Variants in TCHH observed in about 807,000 individuals in gnomAD.
The protein encoded by TCHH is trichohyalin.
Under a neutral mutation model 6.3 loss-of-function variants are expected in TCHH, and 6 were observed. The ratio of observed to expected loss-of-function variants is 0.95; its 90% CI spans 0.52 to 1.88. The LOEUF is 1.88. TCHH is among the 40% of genes most tolerant of loss of function. TCHH has a pLI of 0.01. For synonymous variants in TCHH, 1,087 were observed against 963.6 expected (o/e 1.13, Z -2.37); for missense variants, 2,920 against 2,449.1 (o/e 1.19, Z -4.06).
rs1458890183 is a variant in TCHH, at chr1:152,111,784, C to G, written c.1433G>C (p.Arg478Pro). 1.9e-6 allele frequency: 3 copies of G among 1,579,374 alleles called. No homozygotes were observed. The highest frequency in any genetic ancestry group is 1.7e-6 in the Non-Finnish European group (2 of 1,163,888). ...TTCGCGCCTCTCCTCCTCCTGGTCGCGCTTCAGCTGCTGCTTGCGCCTCTC... is the reference window on the plus strand; with the variant it reads ...TTCGCGCCTCTCCTCCTCCTGGTCGGGCTTCAGCTGCTGCTTGCGCCTCTC... ...EQERRKQQLK[R>P]DQEEERRERW... is the part of the protein sequence containing the mutation. Residue 478 changes from arginine (R) to proline (P), a missense_variant, in exon 3 of 3, where the codon CGC becomes CCC. Arg to Pro is a moderately radical substitution (Grantham distance 103). Coordinates refer to ENST00000614923, the MANE Select transcript of TCHH (RefSeq NM_007113.4).
chr1:152,110,947 T>C lies in TCHH; in HGVS notation c.2270A>G (p.Gln757Arg), dbSNP rs1479634394. Residue 757 changes from glutamine to arginine, a missense_variant, in exon 3 of 3, where the codon CAG becomes CGG. Gln to Arg is a conservative substitution (Grantham distance 43). Transcript: ENST00000614923. Reference protein sequence around the residue: ...QWQEEERAHRQQQEEEQRRDF... With the variant: ...QWQEEERAHRRQQEEEQRRDF... ...CCGGCGCTGCTCCTCTTCCTGCTGC[T>C]GCCGGTGAGCCCGTTCCTCCTCCTG... 1 of 1,613,348 alleles carries C rather than the reference T, an allele frequency of 6.2e-7. No individual in the cohort carries two copies. Among genetic ancestry groups the C allele is most frequent in the Admixed American group, 1.7e-5 (1 of 60,022 alleles).
rs1177207024 is a variant in TCHH, at chr1:152,110,748, C to T, written c.2469G>A (p.Gln823=). 6.2e-7 allele frequency: 1 copy of T among 1,608,716 alleles called. No individual in the cohort carries two copies. Among genetic ancestry groups the T allele is most frequent in the African/African-American group, 1.3e-5 (1 of 74,916 alleles). ...EEEEKEQRRR[Q]RREREKELQF... is the part of the protein sequence containing the mutation. ...GCAGCTCTTTCTCCCTCTCGCGTCG[C>T]TGGCGGCGCCGCTGCTCCTTCTCCT... Residue 823 remains glutamine (Q), a synonymous_variant, in exon 3 of 3, where the codon CAG becomes CAA. Transcript: ENST00000614923.
In TCHH at chr1:152,110,027, G is replaced by A. The variant is rs1366817297; in HGVS notation, c.3190C>T (p.Leu1064=). Residue 1064 remains leucine, a synonymous_variant, in exon 3 of 3, where the codon CTG becomes TTG. Transcript: ENST00000614923. ...EELQQEEEQL[L]GEERETRRRQ... is the part of the protein sequence containing the mutation. Reference sequence around the variant, plus strand: ...CTTCTCGTCTCCCGTTCCTCTCCCAGCAGCTGCTCTTCCTCCTGCTGCAGC... The same window carrying A: ...CTTCTCGTCTCCCGTTCCTCTCCCAACAGCTGCTCTTCCTCCTGCTGCAGC... The A allele has an allele frequency of 1.1e-5, 17 of 1,605,818 alleles. No homozygotes were observed. The East Asian group carries it at 3.8e-4, about 36-fold the overall frequency.
In TCHH at chr1:152,111,793, T is replaced by G; in HGVS notation, c.1424A>C (p.Gln475Pro). The change falls in exon 3 of 3, where the codon CAG becomes CCG. Residue 475 changes from glutamine to proline, a missense_variant. By Grantham distance (76) the Gln-to-Pro change is moderately conservative. Coordinates refer to ENST00000614923, the MANE Select transcript of TCHH (RefSeq NM_007113.4). ...ERHEQERRKQ[Q>P]LKRDQEEERR... ...CTCCTCCTCCTGGTCGCGCTTCAGCTGCTGCTTGCGCCTCTCCTGCTCGTG... is the reference window on the plus strand; with the variant it reads ...CTCCTCCTCCTGGTCGCGCTTCAGCGGCTGCTTGCGCCTCTCCTGCTCGTG... 6.3e-7 allele frequency: 1 copy of G among 1,596,694 alleles called. No individual in the cohort carries two copies. Among genetic ancestry groups the G allele is most frequent in the Non-Finnish European group, 8.5e-7 (1 of 1,175,012 alleles).
chr1:152,111,142 T>C lies in TCHH; in HGVS notation c.2075A>G (p.Gln692Arg), dbSNP rs773503286. 1 of 1,613,856 alleles carries C rather than the reference T, an allele frequency of 6.2e-7. No homozygotes were observed. Among genetic ancestry groups the C allele is most frequent in the South Asian group, 1.1e-5 (1 of 91,088 alleles). Residue 692 changes from glutamine to arginine, a missense_variant, in exon 3 of 3, where the codon CAG (glutamine) becomes CGG (arginine). Coordinates refer to ENST00000614923, the MANE Select transcript of TCHH (RefSeq NM_007113.4). ...GCGGCTCTTAATCCGCTCCCGGGCC[T>C]GTTCCTGCTCCTCCTCAGCTAGCTC... ...EQELAEEEQE[Q>R]ARERIKSRIP...
In TCHH at chr1:152,107,590, C is replaced by A. The variant is rs140720320; in HGVS notation, c.5627G>T (p.Arg1876Leu). 1 of 1,613,940 alleles carries A rather than the reference C, an allele frequency of 6.2e-7. No homozygotes were observed. The highest frequency in any genetic ancestry group is 8.5e-7 in the Non-Finnish European group (1 of 1,180,006). The change falls in exon 3 of 3, where the codon CGG becomes CTG. Residue 1876 changes from arginine (R) to leucine (L), a missense_variant. Transcript: ENST00000614923. ...QEEEQKRRQE[R>L]ERKLREEHIR... ...GTGTTCTTCCCGTAATTTCCTTTCCCGTTCCTGGCGACGTTTCTGCTCCTC... is the reference window on the plus strand; with the variant it reads ...GTGTTCTTCCCGTAATTTCCTTTCCAGTTCCTGGCGACGTTTCTGCTCCTC...
rs773914723 is a variant in TCHH, at chr1:152,110,480, G to A, written c.2737C>T (p.Leu913=). The part of the protein sequence containing the change: ...QQLLQEEEEE[L]QREEREKRRR... ...CTCTTCTCGCGCTCCTCTCTCTGTA[G>A]CTCCTCCTCCTCCTCCTGCAGCAGC... The change falls in exon 3 of 3, where the codon CTA becomes TTA. Residue 913 remains leucine, a synonymous_variant. Transcript: ENST00000614923. The A allele has an allele frequency of 3.1e-6, 5 of 1,613,814 alleles. No homozygotes were observed. The South Asian group carries it at 5.5e-5, about 18-fold the overall frequency.
At position 152,112,885 on chromosome 1, in the gene TCHH, T is replaced by A. The variant is rs1470021393; in HGVS notation, c.332A>T (p.Gln111Leu). The change falls in exon 3 of 3, where the codon CAA (glutamine) becomes CTA (leucine). Residue 111 changes from glutamine (Q) to leucine (L), a missense_variant. Physicochemically the swap from Gln to Leu is moderately radical, Grantham distance 113. Coordinates refer to ENST00000614923, the MANE Select transcript of TCHH (RefSeq NM_007113.4). ...TTGGTCTTCTTCTTGCCTGCGATCT[T>A]GTAACAGGCTCTCCTTTCCGTCACA... Reference protein sequence around the residue: ...ARCDGKESLLQDRRQEEDQRR... With the variant: ...ARCDGKESLLLDRRQEEDQRR... The A allele has an allele frequency of 1.2e-6, 2 of 1,613,830 alleles. No individual in the cohort carries two copies. Among genetic ancestry groups the A allele is most frequent in the Admixed American group, 3.3e-5 (2 of 59,958 alleles).
intron 1 of TCHH, among the ~76,000 whole-genome samples, chr1:152,114,883 A>G (rs533649464): frequency 1.3e-4 from 20 of 152,346 alleles, no homozygotes; most frequent in African/African-American, 4.6e-4. Context: ...GTTAAACCCA[A>G]ATGCATCATT....
chr1:152,110,381 C>A lies in TCHH; in HGVS notation c.2836G>T (p.Glu946Ter). ...LQQEEEQLLR[E>*]EREKRRRQER... ...TGGCGTCTTCTTTTCTCCCGTTCCTCTCTCAGCAGCTGCTCTTCCTCCTGC... is the reference window on the plus strand; with the variant it reads ...TGGCGTCTTCTTTTCTCCCGTTCCTATCTCAGCAGCTGCTCTTCCTCCTGC... The change falls in exon 3 of 3, where the codon GAG becomes TAG. Residue 946 changes from glutamate (E) to a stop codon, truncating the protein, a stop_gained. Coordinates refer to ENST00000614923, the MANE Select transcript of TCHH (RefSeq NM_007113.4). LOFTEE classifies it low-confidence loss of function (END_TRUNC). 6 of 1,613,542 alleles carry A rather than the reference C, an allele frequency of 3.7e-6. No homozygotes were observed. Among genetic ancestry groups the A allele is most frequent in the Middle Eastern group, 1.7e-4 (1 of 6,056 alleles).
rs766369089 is a variant in TCHH, at chr1:152,111,543, G to A, written c.1674C>T (p.Leu558=). The change falls in exon 3 of 3, where the codon CTC becomes CTT. Residue 558 remains leucine (L), a synonymous_variant. Coordinates refer to ENST00000614923, the MANE Select transcript of TCHH (RefSeq NM_007113.4). ...GCCGCTGCTCTCGCCTCTCCTGCTC[G>A]AGCCTCTTCTCCTCCTCGCGCTTCA... The part of the protein sequence containing the change: ...QLLKREEEKR[L]EQERREQRLK... The A allele has an allele frequency of 9.7e-6, 15 of 1,546,170 alleles. No individual in the cohort carries two copies. The highest frequency in any genetic ancestry group is 5.5e-5 in the Admixed American group (3 of 54,636).
chr1:152,110,637 C>T lies in TCHH; in HGVS notation c.2580G>A (p.Gln860=). ...GCTGCTCCTGGCTTCGCCTCCTCTC[C>T]TGATCCTCCTGGAGGCCGTCCTCCT... ...QEEEDGLQED[Q]ERRRSQEQRR... is the part of the protein sequence containing the mutation. The change falls in exon 3 of 3, where the codon CAG becomes CAA. Residue 860 remains glutamine, a synonymous_variant. Coordinates refer to ENST00000614923, the MANE Select transcript of TCHH (RefSeq NM_007113.4). 1 of 1,613,784 alleles carries T rather than the reference C, an allele frequency of 6.2e-7. No homozygotes were observed. Among genetic ancestry groups the T allele is most frequent in the Non-Finnish European group, 8.5e-7 (1 of 1,179,950 alleles).
At position 152,112,565 on chromosome 1, in the gene TCHH, G is replaced by T; in HGVS notation, c.652C>A (p.Leu218Met). Residue 218 changes from leucine (L) to methionine (M), a missense_variant, in exon 3 of 3, where the codon CTG (leucine) becomes ATG (methionine). Coordinates refer to ENST00000614923, the MANE Select transcript of TCHH (RefSeq NM_007113.4). ...TTCTCCTCGCGGCCCTTCCTCCTCAGCTCCAGCAGCTCCCGCCTTCGCAGT... is the reference window on the plus strand; with the variant it reads ...TTCTCCTCGCGGCCCTTCCTCCTCATCTCCAGCAGCTCCCGCCTTCGCAGT... ...EQLRRRELLELRRKGREEKQQ... is the reference protein window; with the variant it reads ...EQLRRRELLEMRRKGREEKQQ... 6.2e-7 allele frequency: 1 copy of T among 1,613,304 alleles called. No homozygotes were observed.
rs183540170 is a variant in TCHH at position 152,109,349 on chromosome 1, C to G, written c.3868G>C (p.Asp1290His). The change falls in exon 3 of 3, where the codon GAC becomes CAC. Residue 1290 changes from aspartate to histidine, a missense_variant. By Grantham distance (81) the Asp-to-His change is moderately conservative (BLOSUM62 -1). Transcript: ENST00000614923. Reference protein sequence around the residue: ...EQERRRWQQRDRHFPEEEQLE... With the variant: ...EQERRRWQQRHRHFPEEEQLE... ...TGTTCTTCCTCTGGGAAATGCCTGT[C>G]GCGCTGCTGCCAGCGCCTCCTCTCT... is the stretch of plus-strand genomic sequence containing the variant. The G allele has an allele frequency of 5.5e-4, 895 of 1,614,242 alleles. No homozygotes were observed. The highest frequency in any genetic ancestry group is 7.1e-4 in the Non-Finnish European group (835 of 1,180,046).
Position 152,112,920 on chromosome 1 carries a change from C to T in TCHH, c.297G>A (p.Lys99=), listed in dbSNP as rs1463249398. Residue 99 remains lysine, a synonymous_variant, in exon 3 of 3, where the codon AAG becomes AAA. Coordinates refer to ENST00000614923, the MANE Select transcript of TCHH (RefSeq NM_007113.4). ...LGQATGLDEE[K]RARCDGKESL... ...TCTCCTTTCCGTCACACCGGGCTCG[C>T]TTCTCCTCATCCAGTCCCGTGGCCT... 1 of 1,613,770 alleles carries T rather than the reference C, an allele frequency of 6.2e-7. No homozygotes were observed. Among genetic ancestry groups the T allele is most frequent in the African/African-American group, 1.3e-5 (1 of 74,824 alleles).
In TCHH at chr1:152,109,035, C is replaced by T; in HGVS notation, c.4182G>A (p.Lys1394=). The T allele has an allele frequency of 6.2e-7, 1 of 1,613,624 alleles. No individual in the cohort carries two copies. The highest frequency in any genetic ancestry group is 1.7e-5 in the Admixed American group (1 of 60,002). The change falls in exon 3 of 3, where the codon AAG becomes AAA. Residue 1394 remains lysine, a synonymous_variant. Coordinates refer to ENST00000614923, the MANE Select transcript of TCHH (RefSeq NM_007113.4). ...RRQERERKFL[K]EEQQLRCQER... is the part of the protein sequence containing the mutation. ...CCTGGCAGCGCAGCTGCTGTTCCTC[C>T]TTAAGGAATTTTCTCTCCCGTTCCT... is the stretch of plus-strand genomic sequence containing the variant.
At position 152,108,840 on chromosome 1, in the gene TCHH, A is replaced by G. The variant is rs143332338; in HGVS notation, c.4377T>C (p.Arg1459=). The G allele has an allele frequency of 1.0e-3, 1,526 of 1,525,008 alleles. 37 individuals are homozygous for G. In the East Asian group the frequency reaches 0.022, roughly 22 times the overall value. 94.5% of individuals were successfully genotyped at this position (1,525,008 alleles called of 1,614,324 possible). ...LEEEQQLRQE[R]HRKFREEEQL... Reference sequence around the variant, plus strand: ...GTTCCTCTTCGCGGAATTTTCTGTGACGCTCCTGGCGCAGCTGCTGTTCCT... The same window carrying G: ...GTTCCTCTTCGCGGAATTTTCTGTGGCGCTCCTGGCGCAGCTGCTGTTCCT... Residue 1459 remains arginine (R), a synonymous_variant, in exon 3 of 3, where the codon CGT becomes CGC. Coordinates refer to ENST00000614923, the MANE Select transcript of TCHH (RefSeq NM_007113.4).
In TCHH at chr1:152,108,595, C is replaced by A; in HGVS notation, c.4622G>T (p.Arg1541Leu). The A allele has an allele frequency of 1.2e-6, 2 of 1,600,206 alleles. No individual in the cohort carries two copies. Among genetic ancestry groups the A allele is most frequent in the Non-Finnish European group, 1.7e-6 (2 of 1,174,754 alleles). ...CCGCTGTTGCCCGCGCTCCTGGCGG[C>A]GCAGCTGCTGTTCCTCCTGGAGGAA... ...RKFLQEEQQL[R>L]RQERGQQRRQ... Residue 1541 changes from arginine (R) to leucine (L), a missense_variant, in exon 3 of 3, where the codon CGC (arginine) becomes CTC (leucine). Physicochemically the swap from Arg to Leu is moderately radical, Grantham distance 102. Coordinates refer to ENST00000614923, the MANE Select transcript of TCHH (RefSeq NM_007113.4).
rs747179956 is a variant in TCHH, at chr1:152,112,443, CTCT to C, written c.771_773del (p.Glu258del). ...GCTGCGGCTCCTCTTCCTGCAACTT[CTCT>C]TCTTCCTTCCGGAGCACTGTCTCGC... On this transcript the variant is annotated inframe_deletion, in exon 3 of 3. Coordinates refer to ENST00000614923, the MANE Select transcript of TCHH (RefSeq NM_007113.4). 6.8e-6 allele frequency: 11 copies of C among 1,613,766 alleles called. No individual in the cohort carries two copies. The African/African-American group carries it at 8.0e-5, about 12-fold the overall frequency.
Sources: allele counts gnomAD v4.1 joint callset (sites outside exome capture counted in the v4.1 genomes callset), GRCh38; gene constraint gnomAD v4.1.1; transcripts MANE v1.5; gene names NCBI Gene and HGNC (gene_info 2026-07-23, HGNC 2026-07-21).